Variants in ADARB2 observed in about 807,000 individuals in gnomAD.
ADARB2 encodes the protein inactive double-stranded RNA-specific editase B2.
ADARB2 carries 25 observed loss-of-function variants against 62.2 expected under a neutral mutation model. The ratio of observed to expected loss-of-function variants is 0.40; its 90% CI spans 0.29 to 0.56. The LOEUF (loss-of-function observed/expected upper bound fraction) is 0.56, where lower values mean the gene tolerates loss of function less well. ADARB2 is among the 20% of genes least tolerant of loss of function. ADARB2 has a pLI of 0.43. For missense variants in ADARB2, 1,071 were observed against 1,077.4 expected (o/e 0.99, Z 0.08); for synonymous variants, 572 against 500.8 (o/e 1.14, Z -1.90).
chr10:1,375,404 G>A (rs11250484), intron 2 of ADARB2, among the ~76,000 whole-genome samples: 1 of 152,002 alleles, frequency 6.6e-6, no homozygotes, highest in Non-Finnish European at 1.5e-5. Context: ...GCTTCCAGAT[G>A]CGGCTCCCAG....
intron 6 of ADARB2, among the ~76,000 whole-genome samples, chr10:1,228,573 T>C (rs1830768768): frequency 6.6e-6 from 1 of 152,194 alleles, no homozygotes; most frequent in Non-Finnish European, 1.5e-5. Flanking sequence ...TTTCAGGCAT[T>C]TGTCCCTGCC....
intron 4 of ADARB2, among the ~76,000 whole-genome samples, chr10:1,251,960 C>G (rs1831041242): frequency 6.6e-6 from 1 of 152,128 alleles, no homozygotes. Flanking sequence ...CTTCCCAGCC[C>G]CCAGAACTGT....
chr10:1,185,132 T>G lies in ADARB2; in HGVS notation c.1865-93A>C, dbSNP rs1025591541. 9 of 1,418,570 alleles carry G rather than the reference T, an allele frequency of 6.3e-6. No homozygotes were observed. The African/African-American group carries it at 1.1e-4, about 18-fold the overall frequency. The allele number at this position is 1,418,570 out of a possible 1,614,324, so 87.9% of individuals were successfully genotyped here. A position where few individuals can be genotyped will look rare whatever the true frequency, so the allele number is the denominator to read the frequency against. ...GCTGCGGGGAAATGGAGCCTGTATG[T>G]GAGTGGGAATGGTCCTCCCTTTTCA... is the stretch of plus-strand genomic sequence containing the variant. On this transcript the variant is annotated intron_variant, in intron 8 of 9. Transcript: ENST00000381312.
intron 1 of ADARB2, among the ~76,000 whole-genome samples, chr10:1,467,601 G>A (rs1385678772): frequency 6.6e-6 from 1 of 152,316 alleles, no homozygotes; most frequent in East Asian, 1.9e-4. Context: ...AGCCACCGCT[G>A]ACACTGTGCC....
intron 1 of ADARB2, among the ~76,000 whole-genome samples, chr10:1,444,078 C>T (rs761037692): frequency 9.9e-5 from 15 of 151,278 alleles, no homozygotes; most frequent in African/African-American, 1.7e-4. Flanking sequence ...TCTATCCATT[C>T]ACCATCCATC....
intron 8 of ADARB2, among the ~76,000 whole-genome samples, chr10:1,194,214 T>C (rs1338083569): frequency 2.6e-5 from 4 of 152,222 alleles, no homozygotes. Flanking sequence ...GCGATTAACA[T>C]TTAACTCATT....
intron 6 of ADARB2, among the ~76,000 whole-genome samples, chr10:1,231,588 C>G (rs968035271): frequency 2.8e-4 from 43 of 152,292 alleles, no homozygotes; most frequent in African/African-American, 1.0e-3. Flanking sequence ...CTGCCCCTGC[C>G]TCTCTCTCCC....
intron 1 of ADARB2, among the ~76,000 whole-genome samples, chr10:1,381,577 G>A (rs898979116): frequency 1.3e-5 from 2 of 152,178 alleles, no homozygotes; most frequent in East Asian, 1.9e-4. Context: ...AGAGCCCAGA[G>A]GTGGAAGCAA....
chr10:1,735,282 T>C (rs978647107), intron 1 of ADARB2, among the ~76,000 whole-genome samples: 1 of 152,198 alleles, frequency 6.6e-6, no homozygotes, highest in African/African-American at 2.4e-5. Flanking sequence ...ATTGCTAAAG[T>C]TAAGTTTATA....
chr10:1,335,397 T>G (rs1831964476), intron 3 of ADARB2, among the ~76,000 whole-genome samples: 1 of 131,632 alleles, frequency 7.6e-6, no homozygotes, highest in Non-Finnish European at 1.6e-5. Context: ...GATAGAGGGG[T>G]GGATGACGGA....
chr10:1,389,938 C>T (rs1832556058), intron 1 of ADARB2, among the ~76,000 whole-genome samples: 1 of 152,036 alleles, frequency 6.6e-6, no homozygotes, highest in Admixed American at 6.5e-5. Flanking sequence ...TTACCACCTC[C>T]ACTTCTAGAT....
chr10:1,680,106 C>T (rs1834516746), intron 1 of ADARB2, among the ~76,000 whole-genome samples: 1 of 151,940 alleles, frequency 6.6e-6, no homozygotes, highest in Non-Finnish European at 1.5e-5. Flanking sequence ...CCTGTGTAAC[C>T]CGCCACTCAT....
chr10:1,186,885 A>G (rs557586750), intron 8 of ADARB2, among the ~76,000 whole-genome samples: 26 of 152,310 alleles, frequency 1.7e-4, no homozygotes, highest in African/African-American at 6.3e-4. Context: ...TCCCCACGTC[A>G]CGTGGTAGCA....
At position 1,593,217 on chromosome 10, in the gene ADARB2, C is replaced by G. The variant is rs113713902; in HGVS notation, c.100+143834G>C. Among the ~76,000 whole-genome samples the G allele has an allele frequency of 1.7e-3, 154 of 92,740 alleles. 2 individuals are homozygous for G. The highest frequency in any genetic ancestry group is 4.8e-3 in the African/African-American group (98 of 20,238). 60.8% of individuals were successfully genotyped at this position (92,740 alleles called of 152,430 possible). A position where few individuals can be genotyped will look rare whatever the true frequency, so the allele number is the denominator to read the frequency against. ...ACCCAGCTCCCTTCGCCCAAGCCAC[C>G]CTCCATAGGTCTCCTCTCTGGCATG... On this transcript the variant is annotated intron_variant, in intron 1 of 9. Coordinates refer to ENST00000381312, the MANE Select transcript of ADARB2 (RefSeq NM_018702.4).
intron 7 of ADARB2, among the ~76,000 whole-genome samples, chr10:1,204,188 G>A (rs1327566913): frequency 3.9e-5 from 6 of 152,086 alleles, no homozygotes; most frequent in Admixed American, 1.3e-4. Flanking sequence ...AGTCTGAGAC[G>A]TCTCTGCATA....
intron 3 of ADARB2, among the ~76,000 whole-genome samples, chr10:1,305,862 C>G (rs1487312113): frequency 4.6e-5 from 7 of 151,596 alleles, no homozygotes; most frequent in Non-Finnish European, 5.9e-5. Flanking sequence ...ACCCTTCATG[C>G]TAAAAACTCT....
rs546145393 is a variant in ADARB2, at chr10:1,694,163, T to G, written c.100+42888A>C. ...GAGCAGTTATTATTTTGTTCAGATT[T>G]AATTCCAAAGAGTATTTCTCAAACC... is the stretch of plus-strand genomic sequence containing the variant. On this transcript the variant is annotated intron_variant, in intron 1 of 9. Coordinates refer to ENST00000381312, the MANE Select transcript of ADARB2 (RefSeq NM_018702.4). Among the ~76,000 whole-genome samples the G allele has an allele frequency of 3.3e-5, 5 of 152,376 alleles. No individual in the cohort carries two copies. The South Asian group carries it at 1.0e-3, about 32-fold the overall frequency.
chr10:1,302,756 CA>C (rs1831586741), intron 3 of ADARB2, among the ~76,000 whole-genome samples: 1 of 152,232 alleles, frequency 6.6e-6, no homozygotes, highest in Non-Finnish European at 1.5e-5. Flanking sequence ...AGGCACCCTC[CA>C]GCAGGGGCAC....
chr10:1,665,331 CAG>C (rs1834302047), intron 1 of ADARB2, among the ~76,000 whole-genome samples: 1 of 152,256 alleles, frequency 6.6e-6, no homozygotes, highest in Non-Finnish European at 1.5e-5. Flanking sequence ...GCGTTGTGCG[CAG>C]ACACTGAGCG....
Sources: allele counts gnomAD v4.1 joint callset (sites outside exome capture counted in the v4.1 genomes callset), GRCh38; gene constraint gnomAD v4.1.1; transcripts MANE v1.5; gene names NCBI Gene and HGNC (gene_info 2026-07-23, HGNC 2026-07-21).